The following CYP4Z1 variants were observed in gnomAD, a reference collection of about 807,000 sequenced individuals.
CYP4Z1 encodes cytochrome P450 4Z1.
Under a neutral mutation model 54.2 loss-of-function variants are expected in CYP4Z1, and 41 were observed. The observed-to-expected ratio is 0.76, with a 90% CI of 0.59 to 0.98. The LOEUF is 0.98. Ranked by LOEUF, CYP4Z1 falls within the 50% of genes least tolerant of loss-of-function variation. The pLI, the probability that CYP4Z1 is intolerant of heterozygous loss-of-function variation, is 0.00. For missense variants in CYP4Z1, 513 were observed against 599.0 expected (o/e 0.86, Z 1.50); for synonymous variants, 163 against 206.2 (o/e 0.79, Z 1.79).
rs765711346 is a variant in CYP4Z1, at chr1:47,068,614, T to C, written c.178-8T>C. 1 of 1,613,750 alleles carries C rather than the reference T, an allele frequency of 6.2e-7. No homozygotes were observed. Among genetic ancestry groups the C allele is most frequent in the Admixed American group, 1.7e-5 (1 of 60,002 alleles). ...TTTACTAACCAGTCATGACTTATCT[T>C]ATGACAGTTTTACCCAGTAAAGGAG... is the stretch of plus-strand genomic sequence containing the variant. On this transcript the variant is annotated splice_polypyrimidine_tract_variant and splice_region_variant and intron_variant, in intron 1 of 11. Coordinates refer to ENST00000334194, the MANE Select transcript of CYP4Z1 (RefSeq NM_178134.3).
rs554636879 is a variant in CYP4Z1 at position 47,114,360 on chromosome 1, A to T, written c.1202-1169A>T. On this transcript the variant is annotated intron_variant, in intron 9 of 11. Coordinates refer to ENST00000334194, the MANE Select transcript of CYP4Z1 (RefSeq NM_178134.3). ...AAAAACCCTAGAAGAAAACCTAGGC[A>T]ATACCATTCAGGACATAGGCATGGG... Among the ~76,000 whole-genome samples, 422 of 152,296 alleles carry T rather than the reference A, an allele frequency of 2.8e-3. 1 individual carries two copies. Among genetic ancestry groups the T allele is most frequent in the African/African-American group, 9.9e-3 (410 of 41,578 alleles).
At chr1:47,077,148 A>C (rs1336590438) in intron 2 of CYP4Z1, among the ~76,000 whole-genome samples, 2 of 151,582 alleles carry the variant, frequency 1.3e-5, no homozygotes, top group Non-Finnish European at 2.9e-5. Flanking sequence ...TTTTTGTATC[A>C]TTGTTCTGTC....
chr1:47,068,084 G>C (rs1056218380), intron 1 of CYP4Z1, among the ~76,000 whole-genome samples: 1 of 152,172 alleles, frequency 6.6e-6, no homozygotes, highest in Admixed American at 6.5e-5. Context: ...AAATTAGAAA[G>C]GAAAGTTGAA....
intron 6 of CYP4Z1, among the ~76,000 whole-genome samples, chr1:47,093,684 A>G (rs1207386447): frequency 6.6e-6 from 1 of 152,188 alleles, no homozygotes; most frequent in Admixed American, 6.5e-5. Context: ...TTTCATGCTG[A>G]TGGGACAATA....
chr1:47,087,556 CTT>C (rs575403003), intron 6 of CYP4Z1, among the ~76,000 whole-genome samples: 6 of 152,156 alleles, frequency 3.9e-5, no homozygotes, highest in Non-Finnish European at 8.8e-5. Context: ...TATCCTGAGA[CTT>C]TGCTGAAGTT....
intron 11 of CYP4Z1, 46 bp from the exon 12 acceptor site, chr1:47,117,720 T>C (rs1389583553): frequency 7.0e-6 from 11 of 1,571,064 alleles, no homozygotes; most frequent in Non-Finnish European, 8.6e-6. Context: ...TTGTTAATAA[T>C]ATATAAATTC....
intron 2 of CYP4Z1, chr1:47,075,109 CT>C (rs1451842375): frequency 2.4e-6 from 1 of 409,254 alleles, no homozygotes; most frequent in Non-Finnish European, 4.7e-6. Context: ...AAAGCAAGCA[CT>C]GGTGATCTCT....
intron 2 of CYP4Z1, among the ~76,000 whole-genome samples, chr1:47,077,614 T>C (rs945147760): frequency 3.3e-5 from 5 of 152,016 alleles, no homozygotes; most frequent in African/African-American, 1.2e-4. Flanking sequence ...TGTTTGTTTT[T>C]TATATGTCTT....
chr1:47,107,337 G>A (rs1288039344), intron 9 of CYP4Z1, among the ~76,000 whole-genome samples: 6 of 151,938 alleles, frequency 3.9e-5, no homozygotes, highest in South Asian at 2.1e-4. Context: ...GTCTGCGCTC[G>A]TAACTACTAC....
At chr1:47,103,595 C>CTTTTTTTTTTTTTTTTTTTTT (rs373166937) in intron 8 of CYP4Z1, among the ~76,000 whole-genome samples, 11 of 96,024 alleles carry the variant, frequency 1.1e-4, no homozygotes, top group East Asian at 3.3e-4. Flanking sequence ...TCTTTTTTTT[C>CTTTTTTTTTTTTTTTTTTTTT]TTTTTTTTTT....
intron 9 of CYP4Z1, among the ~76,000 whole-genome samples, chr1:47,107,756 C>T (rs1011722484): frequency 2.6e-5 from 4 of 152,054 alleles, no homozygotes; most frequent in African/African-American, 9.7e-5. Flanking sequence ...TAAAATCCCC[C>T]GACCCATACA....
chr1:47,076,844 C>CAAAAAAAAAAAAAAAAAAAAACAA (rs59854360), intron 2 of CYP4Z1, among the ~76,000 whole-genome samples: 1 of 81,430 alleles, frequency 1.2e-5, no homozygotes, highest in Non-Finnish European at 2.4e-5. Context: ...GACGCTGTCT[C>CAAAAAAAAAAAAAAAAAAAAACAA]AAAAAAAAAA....
rs1644833152 is a variant in CYP4Z1 at position 47,116,727 on chromosome 1, A to T, written c.1344A>T (p.Gly448=). The T allele has an allele frequency of 6.2e-7, 1 of 1,607,184 alleles. No individual in the cohort carries two copies. Among genetic ancestry groups the T allele is most frequent in the Non-Finnish European group, 8.5e-7 (1 of 1,175,286 alleles). The part of the protein sequence containing the change: ...HPYAFIPFSA[G]LRNCIGQHFA... ...ATGCCTTCATACCATTCTCAGCTGG[A>T]TTAAGGTAAAGACTCAAGCTGGTGA... Residue 448 remains glycine (G), a synonymous_variant, in exon 11 of 12, where the codon GGA becomes GGT. Coordinates refer to ENST00000334194, the MANE Select transcript of CYP4Z1 (RefSeq NM_178134.3).
intron 10 of CYP4Z1, among the ~76,000 whole-genome samples, chr1:47,116,159 TCA>T (rs1644828428): frequency 6.6e-6 from 1 of 152,112 alleles, no homozygotes; most frequent in Non-Finnish European, 1.5e-5. Context: ...CGGCAGCCTC[TCA>T]CAGAGACTTT....
At chr1:47,092,708 A>G (rs1446773254) in intron 6 of CYP4Z1, among the ~76,000 whole-genome samples, 1 of 151,950 alleles carries the variant, frequency 6.6e-6, no homozygotes, top group African/African-American at 2.4e-5. Context: ...TAGGAGATAT[A>G]TTGCTCATCT....
intron 7 of CYP4Z1, among the ~76,000 whole-genome samples, chr1:47,094,952 C>T (rs561267623): frequency 6.6e-6 from 1 of 152,112 alleles, no homozygotes; most frequent in South Asian, 2.1e-4. Flanking sequence ...TAGAGCATGA[C>T]TCTGTCTCAA....
intron 6 of CYP4Z1, among the ~76,000 whole-genome samples, chr1:47,090,041 A>G (rs963382977): frequency 2.0e-5 from 3 of 152,236 alleles, no homozygotes; most frequent in African/African-American, 7.2e-5. Flanking sequence ...AAAATTTCTG[A>G]CATGTCCTAA....
intron 4 of CYP4Z1, among the ~76,000 whole-genome samples, chr1:47,083,316 G>A (rs1485969386): frequency 6.6e-6 from 1 of 152,080 alleles, no homozygotes; most frequent in Non-Finnish European, 1.5e-5. Context: ...CCATGCCCAC[G>A]TCCCACTCCA....
intron 2 of CYP4Z1, among the ~76,000 whole-genome samples, chr1:47,074,439 G>A (rs1190912086): frequency 6.6e-6 from 1 of 151,914 alleles, no homozygotes; most frequent in African/African-American, 2.4e-5. Flanking sequence ...ATTCACTTAG[G>A]ATAATGTCCT....
Sources: allele counts gnomAD v4.1 joint callset (sites outside exome capture counted in the v4.1 genomes callset), GRCh38; gene constraint gnomAD v4.1.1; transcripts MANE v1.5; gene names NCBI Gene and HGNC (gene_info 2026-07-23, HGNC 2026-07-21).